ASAP1: variants seen among roughly 807,000 people sequenced by gnomAD.
ASAP1 encodes arf-GAP with SH3 domain, ANK repeat and PH domain-containing protein 1.
Under a neutral mutation model 145.2 loss-of-function variants are expected in ASAP1, and 43 were observed. The ratio of observed to expected loss-of-function variants is 0.30; its 90% CI spans 0.23 to 0.38. ASAP1 has a LOEUF of 0.38. ASAP1 is among the 10% of genes least tolerant of loss of function. The pLI is 1.00. For missense variants in ASAP1, 1,018 were observed against 1,355.3 expected (o/e 0.75, Z 3.91); for synonymous variants, 546 against 515.5 (o/e 1.06, Z -0.80).
intron 3 of ASAP1, among the ~76,000 whole-genome samples, chr8:130,243,130 C>T (rs1818640726): frequency 6.6e-6 from 1 of 152,132 alleles, no homozygotes; most frequent in Non-Finnish European, 1.5e-5. Flanking sequence ...CTTCTTGCCA[C>T]AGCAAAGCAG....
intron 26 of ASAP1, among the ~76,000 whole-genome samples, chr8:130,077,791 T>C (rs78955596): frequency 0.02 from 3,107 of 152,238 alleles, 48 homozygotes; most frequent in East Asian, 0.064. Flanking sequence ...TCTTCACTGC[T>C]CTTTCCTCAG....
At chr8:130,101,408 A>T (rs1379334327) in intron 24 of ASAP1, among the ~76,000 whole-genome samples, 1 of 152,138 alleles carries the variant, frequency 6.6e-6, no homozygotes, top group Non-Finnish European at 1.5e-5. Flanking sequence ...TCTTCCAATC[A>T]TGAGCATGTG....
At chr8:130,191,421 C>G (rs933952636) in intron 5 of ASAP1, among the ~76,000 whole-genome samples, 2 of 152,176 alleles carry the variant, frequency 1.3e-5, no homozygotes, top group South Asian at 2.1e-4. Flanking sequence ...CAACTGTCAG[C>G]CTGTCCATCC....
At chr8:130,205,782 T>C (rs2136349132) in intron 5 of ASAP1, among the ~76,000 whole-genome samples, 1 of 151,890 alleles carries the variant, frequency 6.6e-6, no homozygotes, top group Non-Finnish European at 1.5e-5. Flanking sequence ...TCCCAAGAAG[T>C]CACTAGGGGG....
At chr8:130,252,342 T>C (rs1819249485) in intron 3 of ASAP1, among the ~76,000 whole-genome samples, 1 of 152,204 alleles carries the variant, frequency 6.6e-6, no homozygotes. Flanking sequence ...AGCTGTGCTA[T>C]GTTGTAATTA....
chr8:130,061,172 G>C, intron 27 of ASAP1, 103 bp from the exon 28 acceptor site: 1 of 1,391,126 alleles, frequency 7.2e-7, no homozygotes, highest in Middle Eastern at 2.3e-4. Flanking sequence ...CTGACCTATA[G>C]TGAGCACTTG....
chr8:130,281,587 G>GT (rs1216986431), intron 3 of ASAP1, among the ~76,000 whole-genome samples: 6 of 152,126 alleles, frequency 3.9e-5, no homozygotes, highest in South Asian at 2.1e-4. Context: ...GTAAAAAATA[G>GT]TTTTTTTGGG....
intron 2 of ASAP1, chr8:130,361,205 A>G (rs1295659060): frequency 5.5e-6 from 1 of 180,802 alleles, no homozygotes; most frequent in Non-Finnish European, 1.2e-5. Context: ...CTGTTATTAA[A>G]AGCCAAAAGT....
intron 11 of ASAP1, among the ~76,000 whole-genome samples, chr8:130,164,944 A>G (rs1478263591): frequency 6.6e-6 from 1 of 152,204 alleles, no homozygotes; most frequent in African/African-American, 2.4e-5. Flanking sequence ...CTCACATTTA[A>G]TCTCAGTCAT....
rs151220140 is a variant in ASAP1 at position 130,348,457 on chromosome 8, C to G, written c.186+9560G>C. Among the ~76,000 whole-genome samples the G allele has an allele frequency of 1.7e-4, 26 of 152,248 alleles. No individual in the cohort carries two copies. In the East Asian group the frequency reaches 4.8e-3, roughly 28 times the overall value. ...TCTTTGGGGGAAAATTATACCATAGCTTGGCATTAAAATTCAGTTCTTACA... is the reference window on the plus strand; with the variant it reads ...TCTTTGGGGGAAAATTATACCATAGGTTGGCATTAAAATTCAGTTCTTACA... On this transcript the variant is annotated intron_variant, in intron 3 of 29. Transcript: ENST00000518721.
At chr8:130,279,211 T>C (rs1353091476) in intron 3 of ASAP1, among the ~76,000 whole-genome samples, 2 of 152,166 alleles carry the variant, frequency 1.3e-5, no homozygotes, top group Non-Finnish European at 2.9e-5. Context: ...AACTTTGTGG[T>C]TGCTATAGCC....
intron 3 of ASAP1, among the ~76,000 whole-genome samples, chr8:130,262,457 A>AGAGAGAGAGAGAGGGT (rs796416744): frequency 7.8e-6 from 1 of 127,804 alleles, no homozygotes; most frequent in South Asian, 2.6e-4. Flanking sequence ...AGAGAGAGAG[A>AGAGAGAGAGAGAGGGT]ACCTGTGGAA....
chr8:130,204,771 C>T (rs182092751), intron 5 of ASAP1, among the ~76,000 whole-genome samples: 2 of 152,292 alleles, frequency 1.3e-5, no homozygotes, highest in East Asian at 3.9e-4. Context: ...GTAGACATGT[C>T]ACACGAGAAG....
In ASAP1 at chr8:130,281,934, C is replaced by T. The variant is rs576649091; in HGVS notation, c.187-44940G>A. On this transcript the variant is annotated intron_variant, in intron 3 of 29. Coordinates refer to ENST00000518721, the MANE Select transcript of ASAP1 (RefSeq NM_018482.4). ...ACAAAAAGTTAGCGGGGCAAGGTGG[C>T]GGGTGCCTGTAATCCCAGCTACTCG... Among the ~76,000 whole-genome samples, 19 of 152,112 alleles carry T rather than the reference C, an allele frequency of 1.2e-4. No individual in the cohort carries two copies. The South Asian group carries it at 2.3e-3, about 18-fold the overall frequency.
intron 7 of ASAP1, 54 bp downstream of exon 7, chr8:130,187,177 TCCAAA>T: frequency 6.9e-7 from 1 of 1,453,126 alleles, no homozygotes; most frequent in Non-Finnish European, 9.4e-7. Flanking sequence ...TTTTTTGTTG[TCCAAA>T]ATTCACAACA....
chr8:130,350,369 A>G (rs2138040003), intron 3 of ASAP1, among the ~76,000 whole-genome samples: 1 of 152,314 alleles, frequency 6.6e-6, no homozygotes, highest in East Asian at 1.9e-4. Context: ...TTTGGGCCTC[A>G]GTCTCCACCT....
At position 130,058,184 on chromosome 8, in the gene ASAP1, A is replaced by G. The variant is rs1368030357; in HGVS notation, c.3193-108T>C. ...CTTGGCCAGTAACTTAACCTCGCTGAGCCTTGATTTCCTCACCCTTGAAGG... is the reference window on the plus strand; with the variant it reads ...CTTGGCCAGTAACTTAACCTCGCTGGGCCTTGATTTCCTCACCCTTGAAGG... On this transcript the variant is annotated intron_variant, in intron 28 of 29. Coordinates refer to ENST00000518721, the MANE Select transcript of ASAP1 (RefSeq NM_018482.4). The G allele has an allele frequency of 2.4e-6, 3 of 1,237,032 alleles. No homozygotes were observed. In the East Asian group the frequency reaches 7.1e-5, roughly 29 times the overall value. The allele number at this position is 1,237,032 out of a possible 1,614,324, so 76.6% of individuals were successfully genotyped here. A position where few individuals can be genotyped will look rare whatever the true frequency, so the allele number is the denominator to read the frequency against.
intron 3 of ASAP1, among the ~76,000 whole-genome samples, chr8:130,265,388 T>C (rs1042749639): frequency 1.2e-4 from 18 of 150,346 alleles, no homozygotes; most frequent in Non-Finnish European, 1.5e-5. Flanking sequence ...CTGGGTAACA[T>C]AGCAAGACCT....
intron 3 of ASAP1, among the ~76,000 whole-genome samples, chr8:130,305,588 T>C (rs1822944233): frequency 6.6e-6 from 1 of 152,178 alleles, no homozygotes; most frequent in Admixed American, 6.5e-5. Context: ...GGTCAGGTTC[T>C]GGTCAGAACT....
Sources: allele counts gnomAD v4.1 joint callset (sites outside exome capture counted in the v4.1 genomes callset), GRCh38; gene constraint gnomAD v4.1.1; transcripts MANE v1.5; gene names NCBI Gene and HGNC (gene_info 2026-07-23, HGNC 2026-07-21).